The following CAST variants were observed in gnomAD, a reference collection of about 807,000 sequenced individuals.
CAST encodes the protein MIR583 host.
In CAST, 76 loss-of-function variants were observed where a neutral mutation model predicts 119.6. The ratio of observed to expected loss-of-function variants is 0.64; its 90% CI spans 0.53 to 0.77. The LOEUF is 0.77. CAST is among the 30% of genes least tolerant of loss of function. The pLI is 0.00. For synonymous variants in CAST, 319 were observed against 331.6 expected, an observed-to-expected ratio of 0.96 and a Z score of 0.41; for missense variants, 953 against 946.5, an observed-to-expected ratio of 1.01 and a Z score of -0.09.
chr5:96,616,753 TAC>T (rs377159898), intron 1 of CAST, among the ~76,000 whole-genome samples: 41,476 of 130,102 alleles, frequency 0.32, 6,399 homozygotes, highest in Middle Eastern at 0.39. Flanking sequence ...TCTATATATA[TAC>T]ACACACACAC....
Position 96,736,783 on chromosome 5 carries a change from C to T in CAST, c.699+543C>T, listed in dbSNP as rs553328156. On this transcript the variant is annotated intron_variant, in intron 10 of 31. Transcript: ENST00000675179. ...TTTCAATGCAGGTTATTGTTCATAACGAGTCATCAACATAAAAAATAGATA... is the reference window on the plus strand; with the variant it reads ...TTTCAATGCAGGTTATTGTTCATAATGAGTCATCAACATAAAAAATAGATA... Among the ~76,000 whole-genome samples the T allele has an allele frequency of 5.9e-5, 9 of 152,122 alleles. No homozygotes were observed. In the South Asian group the frequency reaches 1.2e-3, roughly 21 times the overall value.
chr5:96,186,891 T>A, the CAST span, among the ~76,000 whole-genome samples: 3 of 152,218 alleles, frequency 2.0e-5, no homozygotes, highest in African/African-American at 7.2e-5. Context: ...AGTCCCTCCT[T>A]TTCAATTATT....
At chr5:96,269,494 G>A in the CAST span, among the ~76,000 whole-genome samples, 2 of 152,102 alleles carry the variant, frequency 1.3e-5, no homozygotes, top group Non-Finnish European at 2.9e-5. Context: ...ATTTCACCCA[G>A]CTGCTACAGA....
chr5:96,052,687 G>A, the CAST span, among the ~76,000 whole-genome samples: 28 of 152,320 alleles, frequency 1.8e-4, no homozygotes, highest in Admixed American at 1.8e-3. Flanking sequence ...TCATTAGTGA[G>A]TAGAGACTCT....
the CAST span, among the ~76,000 whole-genome samples, chr5:96,035,467 C>G: frequency 6.6e-5 from 10 of 151,876 alleles, no homozygotes; most frequent in African/African-American, 2.2e-4. Flanking sequence ...AGCAAAGGTT[C>G]TGACCTAAAT....
the CAST span, among the ~76,000 whole-genome samples, chr5:96,287,888 AAGGGAGCTTC>A: frequency 1.3e-5 from 2 of 152,146 alleles, no homozygotes; most frequent in African/African-American, 4.8e-5. Context: ...TCATCCTACA[AAGGGAGCTTC>A]AGCATTTTCT....
At chr5:96,582,817 A>G (rs1278995945) in intron 1 of CAST, among the ~76,000 whole-genome samples, 1 of 152,238 alleles carries the variant, frequency 6.6e-6, no homozygotes, top group African/African-American at 2.4e-5. Context: ...GTTTTAACAC[A>G]CTAGAAACCA....
chr5:96,380,938 T>G, the CAST span, among the ~76,000 whole-genome samples: 1 of 152,190 alleles, frequency 6.6e-6, no homozygotes, highest in African/African-American at 2.4e-5. Context: ...AAAAGTTTAT[T>G]GGTATAGTTT....
At chr5:96,227,232 A>AC in the CAST span, among the ~76,000 whole-genome samples, 1 of 152,348 alleles carries the variant, frequency 6.6e-6, no homozygotes, top group African/African-American at 2.4e-5. Flanking sequence ...ATGAGATACC[A>AC]CAAATGGAAT....
At chr5:96,577,836 C>G (rs992715171) in intron 1 of CAST, among the ~76,000 whole-genome samples, 1 of 152,064 alleles carries the variant, frequency 6.6e-6, no homozygotes, top group Non-Finnish European at 1.5e-5. Context: ...GAAAAGGGTA[C>G]ATAGTTTACT....
the CAST span, among the ~76,000 whole-genome samples, chr5:96,420,737 AAGGGAGGG>A: frequency 3.6e-5 from 5 of 138,184 alleles, no homozygotes; most frequent in African/African-American, 1.3e-4. Context: ...GAGAATAAGG[AAGGGAGGG>A]AGGGAGGGAG....
At chr5:96,592,975 C>T (rs1217277011) in intron 1 of CAST, among the ~76,000 whole-genome samples, 1 of 152,162 alleles carries the variant, frequency 6.6e-6, no homozygotes, top group Non-Finnish European at 1.5e-5. Flanking sequence ...CCATGTTAGC[C>T]AGGATGGTCT....
chr5:96,102,799 T>C, the CAST span, among the ~76,000 whole-genome samples: 4 of 151,962 alleles, frequency 2.6e-5, no homozygotes, highest in South Asian at 2.1e-4. Context: ...CAACATCTTA[T>C]TGCCTCCAGT....
intron 4 of CAST, 59 bp downstream of exon 4, chr5:96,722,757 A>G (rs1758536208): frequency 2.6e-6 from 3 of 1,143,444 alleles, no homozygotes; most frequent in Non-Finnish European, 4.0e-6. Flanking sequence ...GCAAAGCAAA[A>G]CAAATGTAGA....
At chr5:96,490,135 CT>C in the CAST span, among the ~76,000 whole-genome samples, 2 of 152,210 alleles carry the variant, frequency 1.3e-5, no homozygotes, top group African/African-American at 4.8e-5. Flanking sequence ...CAACACTCCC[CT>C]GCTTCTCTCT....
At chr5:96,721,863 C>T (rs1758321424) in intron 3 of CAST, among the ~76,000 whole-genome samples, 1 of 152,140 alleles carries the variant, frequency 6.6e-6, no homozygotes, top group Non-Finnish European at 1.5e-5. Flanking sequence ...GCAAGCATCT[C>T]AAGGAAGGGT....
At chr5:96,685,044 A>G (rs1239994163) in intron 2 of CAST, among the ~76,000 whole-genome samples, 1 of 150,800 alleles carries the variant, frequency 6.6e-6, no homozygotes, top group African/African-American at 2.4e-5. Context: ...ATGAGAGAAT[A>G]TATAAATATA....
the CAST span, among the ~76,000 whole-genome samples, chr5:96,327,396 A>T: frequency 2.0e-5 from 3 of 152,204 alleles, no homozygotes; most frequent in Non-Finnish European, 4.4e-5. Flanking sequence ...TACTACTGGG[A>T]TCCTTATTCA....
chr5:96,313,340 C>A, the CAST span, among the ~76,000 whole-genome samples: 1 of 152,062 alleles, frequency 6.6e-6, no homozygotes, highest in African/African-American at 2.4e-5. Context: ...AGTCAATCTG[C>A]CTCCTCCACT....
Sources: gnomAD v4.1 joint callset for allele counts (sites outside exome capture counted in the v4.1 genomes callset) on GRCh38, gnomAD v4.1.1 for gene constraint, MANE v1.5 for transcripts, NCBI Gene and HGNC (gene_info 2026-07-23, HGNC 2026-07-21) for gene names.